The following FMN2 variants were observed in gnomAD, a reference collection of about 807,000 sequenced individuals.
The protein encoded by FMN2 is formin-2.
FMN2 carries 51 observed loss-of-function variants against 142.3 expected under a neutral mutation model. The ratio of observed to expected loss-of-function variants is 0.36; its 90% CI spans 0.29 to 0.45. The LOEUF (loss-of-function observed/expected upper bound fraction) is 0.45, where lower values mean the gene tolerates loss of function less well. Among genes scored for constraint, FMN2 ranks in the 20% least tolerant of loss-of-function variants. The pLI is 1.00. For missense variants in FMN2, 1,936 were observed against 2,122.8 expected (o/e 0.91, Z 1.73); for synonymous variants, 882 against 869.8 (o/e 1.01, Z -0.25).
chr1:240,106,213 A>G (rs780882902), intron 1 of FMN2, among the ~76,000 whole-genome samples: 3 of 152,088 alleles, frequency 2.0e-5, no homozygotes, highest in Non-Finnish European at 4.4e-5. Context: ...CCTTTTAGAC[A>G]CCTTCATATG....
intron 13 of FMN2, among the ~76,000 whole-genome samples, chr1:240,346,747 T>A (rs893141440): frequency 1.9e-5 from 2 of 106,836 alleles, no homozygotes; most frequent in South Asian, 2.8e-4. Flanking sequence ...ATGTTTGAAT[T>A]TGAGTTGATA....
chr1:240,092,251 C>T lies in FMN2; in HGVS notation c.142C>T (p.His48Tyr), dbSNP rs1253893302. 2.2e-6 allele frequency: 3 copies of T among 1,389,530 alleles called. No homozygotes were observed. Among genetic ancestry groups the T allele is most frequent in the Admixed American group, 3.8e-5 (2 of 52,110 alleles). The allele number at this position is 1,389,530 out of a possible 1,614,324, so 86.1% of individuals were successfully genotyped here. ...GSGGKKALGK[H>Y]GKGGGGGGGG... The stretch of plus-strand genomic sequence containing the variant: ...CGGGGGCAAGAAGGCGCTAGGCAAG[C>T]ACGGCAAGGGGGGAGGGGGCGGCGG... Residue 48 changes from histidine (H) to tyrosine (Y), a missense_variant, in exon 1 of 18, where the codon CAC becomes TAC. Around this residue, in one of 8 missense-constraint regions of FMN2, gnomAD observed 751 missense variants for 791.8 expected, o/e 0.95. Transcript: ENST00000319653.
At chr1:240,182,349 G>A (rs77385357) in intron 3 of FMN2, among the ~76,000 whole-genome samples, 7,547 of 152,216 alleles carry the variant, frequency 0.05, 254 homozygotes, top group Non-Finnish European at 0.075. Context: ...ATGGCTGAGA[G>A]GAAACAGAGA....
At chr1:240,427,171 T>TTTTATATATA (rs1222415126) in intron 15 of FMN2, among the ~76,000 whole-genome samples, 3 of 136,892 alleles carry the variant, frequency 2.2e-5, no homozygotes, top group African/African-American at 9.7e-5. Context: ...ACAACTGATT[T>TTTTATATATA]TATATATATA....
intron 6 of FMN2, among the ~76,000 whole-genome samples, chr1:240,224,483 G>A (rs1478523386): frequency 6.6e-6 from 1 of 152,132 alleles, no homozygotes; most frequent in East Asian, 1.9e-4. Context: ...GGAGAGTTCT[G>A]TAGATGTCTA....
At chr1:240,186,508 C>T (rs764239052) in intron 3 of FMN2, among the ~76,000 whole-genome samples, 11 of 152,144 alleles carry the variant, frequency 7.2e-5, no homozygotes, top group African/African-American at 2.7e-4. Context: ...ATCCAGGTTA[C>T]GAAGAAAGTA....
In FMN2 at chr1:240,226,226, A is replaced by G. The variant is rs114889684; in HGVS notation, c.4065+14991A>G. Among the ~76,000 whole-genome samples the G allele has an allele frequency of 1.8e-3, 275 of 152,352 alleles. 1 individual carries two copies. The highest frequency in any genetic ancestry group is 3.0e-3 in the Non-Finnish European group (207 of 68,038). ...ATTCCTCATAGATAAACATAAAGAG[A>G]TCCACACCCCCTATATCATAGTCAA... On this transcript the variant is annotated intron_variant, in intron 6 of 17. Coordinates refer to ENST00000319653, the MANE Select transcript of FMN2 (RefSeq NM_020066.5).
chr1:240,402,598 C>T (rs989609478), intron 15 of FMN2, among the ~76,000 whole-genome samples: 1 of 152,222 alleles, frequency 6.6e-6, no homozygotes, highest in African/African-American at 2.4e-5. Context: ...TTAAGGTTGG[C>T]TTCATCCCCA....
At chr1:240,401,067 GTGAGC>G (rs1673969758) in intron 15 of FMN2, 1 of 151,360 alleles carries the variant, frequency 6.6e-6, no homozygotes, top group African/African-American at 2.4e-5. Context: ...AGAGGTTTCA[GTGAGC>G]TGAGATGGAG....
intron 8 of FMN2, among the ~76,000 whole-genome samples, chr1:240,297,322 G>A (rs548446296): frequency 1.3e-3 from 204 of 152,244 alleles, no homozygotes; most frequent in African/African-American, 4.6e-3. Flanking sequence ...TGGGCTGGGT[G>A]TGGTGGCTCA....
At chr1:240,120,885 C>T (rs1439195597) in intron 1 of FMN2, among the ~76,000 whole-genome samples, 1 of 152,170 alleles carries the variant, frequency 6.6e-6, no homozygotes. Flanking sequence ...AGGCCAGGCA[C>T]GGTGTTTTAC....
intron 7 of FMN2, among the ~76,000 whole-genome samples, chr1:240,258,234 C>CT (rs1170110562): frequency 6.6e-6 from 1 of 152,042 alleles, no homozygotes; most frequent in African/African-American, 2.4e-5. Flanking sequence ...ATTTATATAC[C>CT]TTACTAACAG....
intron 6 of FMN2, among the ~76,000 whole-genome samples, chr1:240,257,172 G>A (rs578158208): frequency 6.6e-6 from 1 of 152,302 alleles, no homozygotes; most frequent in African/African-American, 2.4e-5. Context: ...TGATGCTGTT[G>A]TCTGGAAAAC....
chr1:240,093,581 C>A lies in FMN2; in HGVS notation c.1472C>A (p.Ala491Asp). Reference sequence around the variant, plus strand: ...GCTGACTGGACGGAGGAGCTAGGCGCCCGCACGCCCCGGGTGGGAGGCTCC... The same window carrying A: ...GCTGACTGGACGGAGGAGCTAGGCGACCGCACGCCCCGGGTGGGAGGCTCC... ...RSADWTEELG[A>D]RTPRVGGSAH... The change falls in exon 1 of 18, where the codon GCC (alanine) becomes GAC (aspartate). Residue 491 changes from alanine (A) to aspartate (D), a missense_variant. Physicochemically the swap from Ala to Asp is moderately radical, Grantham distance 126. This residue lies in a region of FMN2 where 751 missense variants were observed against 791.8 expected (regional missense o/e 0.95). Transcript: ENST00000319653. 3 of 1,448,084 alleles carry A rather than the reference C, an allele frequency of 2.1e-6. No individual in the cohort carries two copies. Among genetic ancestry groups the A allele is most frequent in the Non-Finnish European group, 2.7e-6 (3 of 1,110,692 alleles). 89.7% of individuals were successfully genotyped at this position (1,448,084 alleles called of 1,614,324 possible).
At chr1:240,243,280 A>G (rs1483710177) in intron 6 of FMN2, among the ~76,000 whole-genome samples, 1 of 152,216 alleles carries the variant, frequency 6.6e-6, no homozygotes, top group Non-Finnish European at 1.5e-5. Context: ...GAAAAGGCTC[A>G]TGGTTCCTGA....
At chr1:240,349,589 T>G (rs1321743166) in intron 13 of FMN2, among the ~76,000 whole-genome samples, 1 of 152,220 alleles carries the variant, frequency 6.6e-6, no homozygotes, top group Non-Finnish European at 1.5e-5. Flanking sequence ...AAACTGGTGT[T>G]TGCCCCACAA....
At chr1:240,428,199 A>G (rs1265600259) in intron 15 of FMN2, among the ~76,000 whole-genome samples, 1 of 151,414 alleles carries the variant, frequency 6.6e-6, no homozygotes, top group African/African-American at 2.4e-5. Context: ...CTCTTTTGCA[A>G]TTATTATTGT....
chr1:240,181,494 C>G (rs73112846), intron 3 of FMN2, among the ~76,000 whole-genome samples: 34,104 of 152,052 alleles, frequency 0.22, 4,073 homozygotes, highest in African/African-American at 0.29. Flanking sequence ...AGGAACTGAC[C>G]CTTCTTTGTA....
intron 15 of FMN2, among the ~76,000 whole-genome samples, chr1:240,418,358 G>A (rs888701558): frequency 2.6e-5 from 4 of 151,324 alleles, no homozygotes; most frequent in African/African-American, 7.3e-5. Context: ...CACCACGCCC[G>A]GCTAATTTTT....
Sources: gnomAD v4.1 joint callset for allele counts (sites outside exome capture counted in the v4.1 genomes callset) on GRCh38, gnomAD v4.1.1 for gene constraint, gnomAD v4.1.1 regional missense constraint, MANE v1.5 for transcripts, NCBI Gene and HGNC (gene_info 2026-07-23, HGNC 2026-07-21) for gene names.